Variants in AP4E1 observed in about 807,000 individuals in gnomAD.
AP4E1 encodes AP-4 complex subunit epsilon-1.
AP4E1 carries 56 observed loss-of-function variants against 128.2 expected under a neutral mutation model. That is an observed-to-expected ratio of 0.44 (90% CI 0.35 to 0.55). The LOEUF is 0.55. Among genes scored for constraint, AP4E1 ranks in the 20% least tolerant of loss-of-function variants. AP4E1 has a pLI of 0.00. For missense variants in AP4E1, 1,324 were observed against 1,307.7 expected (o/e 1.01, Z -0.19); for synonymous variants, 484 against 473.1 (o/e 1.02, Z -0.30).
Position 51,002,635 on chromosome 15 carries a change from G to A in AP4E1, c.3387G>A (p.Gln1129=), listed in dbSNP as rs3825798. Residue 1129 remains glutamine (Q), a synonymous_variant, in exon 21 of 21, where the codon CAG becomes CAA. Coordinates refer to ENST00000261842, the MANE Select transcript of AP4E1 (RefSeq NM_007347.5). The part of the protein sequence containing the change: ...CSTLPDYLLY[Q]CQKVMEGS ...CTCTTCCTGACTATTTACTGTATCAGTGTCAAAAGGTGATGGAGGGATCCT... is the reference window on the plus strand; with the variant it reads ...CTCTTCCTGACTATTTACTGTATCAATGTCAAAAGGTGATGGAGGGATCCT... 372,196 of 1,613,746 alleles carry A rather than the reference G, an allele frequency of 0.23. 45,468 individuals carry two copies. Among genetic ancestry groups the A allele is most frequent in the East Asian group, 0.4 (18,077 of 44,856 alleles).
chr15:50,920,335 G>A (rs1487172795), intron 3 of AP4E1, among the ~76,000 whole-genome samples: 1 of 150,812 alleles, frequency 6.6e-6, no homozygotes, highest in African/African-American at 2.4e-5. Context: ...GGATGGTCTC[G>A]ATCTCCTGAC....
intron 9 of AP4E1, 23 bp downstream of exon 9, chr15:50,941,587 C>T: frequency 6.2e-7 from 1 of 1,612,484 alleles, no homozygotes; most frequent in Non-Finnish European, 8.5e-7. Flanking sequence ...GTTCTTTTGA[C>T]AGAAATTACA....
intron 13 of AP4E1, among the ~76,000 whole-genome samples, chr15:50,957,799 C>G (rs373596675): frequency 6.6e-6 from 1 of 151,062 alleles, no homozygotes; most frequent in South Asian, 2.1e-4. Context: ...TTCTCAGCCT[C>G]CTGAGTAGCT....
chr15:50,909,607 GTCTC>G (rs1245673744), intron 1 of AP4E1, among the ~76,000 whole-genome samples: 3 of 152,370 alleles, frequency 2.0e-5, no homozygotes, highest in Admixed American at 6.5e-5. Flanking sequence ...TATTGACGGA[GTCTC>G]TCTCTGTCGC....
rs117687584 is a variant in AP4E1, at chr15:50,911,264, G to A, written c.151-814G>A. Among the ~76,000 whole-genome samples, 390 of 152,276 alleles carry A rather than the reference G, an allele frequency of 2.6e-3. 8 individuals are homozygous for A. The East Asian group carries it at 0.048, about 19-fold the overall frequency. On this transcript the variant is annotated intron_variant, in intron 1 of 20. Transcript: ENST00000261842. ...ACAGTAGGAGTGACCACATTGGTATGTGTCTGAGATAGGAAGTTATGGAAA... is the reference window on the plus strand; with the variant it reads ...ACAGTAGGAGTGACCACATTGGTATATGTCTGAGATAGGAAGTTATGGAAA...
intron 15 of AP4E1, among the ~76,000 whole-genome samples, chr15:50,971,397 C>G (rs974631843): frequency 2.0e-5 from 3 of 152,110 alleles, no homozygotes; most frequent in African/African-American, 7.2e-5. Flanking sequence ...TGACTTTTGA[C>G]AGTTTGACTA....
intron 15 of AP4E1, among the ~76,000 whole-genome samples, chr15:50,976,346 A>T (rs1010983671): frequency 1.3e-5 from 2 of 152,210 alleles, no homozygotes; most frequent in African/African-American, 4.8e-5. Context: ...GATTAAAAAG[A>T]AACTCAATAA....
At chr15:50,977,531 A>C (rs2064568415) in intron 15 of AP4E1, among the ~76,000 whole-genome samples, 1 of 152,110 alleles carries the variant, frequency 6.6e-6, no homozygotes, top group African/African-American at 2.4e-5. Flanking sequence ...TAGAAAAGGA[A>C]ATTGGTTATG....
intron 20 of AP4E1, among the ~76,000 whole-genome samples, chr15:51,001,919 C>T (rs746515804): frequency 2.0e-5 from 3 of 151,928 alleles, no homozygotes; most frequent in Non-Finnish European, 4.4e-5. Context: ...CACTTTGTTA[C>T]CCATGCTGGA....
chr15:50,975,915 A>G (rs1415878944), intron 15 of AP4E1, among the ~76,000 whole-genome samples: 2 of 152,078 alleles, frequency 1.3e-5, no homozygotes, highest in African/African-American at 4.8e-5. Flanking sequence ...GTTTGATACC[A>G]GCCTAGACAA....
At chr15:50,993,710 G>A (rs940800438) in intron 17 of AP4E1, 85 bp downstream of exon 17, 52 of 1,541,486 alleles carry the variant, frequency 3.4e-5, no homozygotes, top group East Asian at 6.8e-5. Flanking sequence ...CCTGGCTGTC[G>A]TCTATATGTA....
At chr15:50,948,270 C>T in intron 11 of AP4E1, 111 bp downstream of exon 11, 1 of 1,256,098 alleles carries the variant, frequency 8.0e-7, no homozygotes, top group Non-Finnish European at 1.1e-6. Context: ...CCTAGCAATA[C>T]TTTTTATTCC....
In AP4E1 at chr15:50,929,067, A is replaced by G. The variant is rs564191868; in HGVS notation, c.601A>G (p.Asn201Asp). 5.0e-6 allele frequency: 8 copies of G among 1,613,852 alleles called. No homozygotes were observed. The South Asian group carries it at 8.8e-5, about 18-fold the overall frequency. The stretch of plus-strand genomic sequence containing the variant: ...ATACAAATTCCATCTCATTGCTCCT[A>G]ATCAAGTACAACATATTCATATTAA... The part of the protein sequence containing the change: ...ALYKFHLIAP[N>D]QVQHIHIKFR... Residue 201 changes from asparagine to aspartate, a missense_variant, in exon 6 of 21, where the codon AAT becomes GAT. Physicochemically the swap from Asn to Asp is conservative, Grantham distance 23. Coordinates refer to ENST00000261842, the MANE Select transcript of AP4E1 (RefSeq NM_007347.5).
At chr15:50,963,973 C>T (rs754314716) in intron 14 of AP4E1, among the ~76,000 whole-genome samples, 16 of 152,174 alleles carry the variant, frequency 1.1e-4, no homozygotes, top group South Asian at 2.1e-4. Context: ...GGATTACAGG[C>T]GTGAGCCACC....
At chr15:50,982,609 G>A (rs1290982041) in intron 15 of AP4E1, among the ~76,000 whole-genome samples, 1 of 152,204 alleles carries the variant, frequency 6.6e-6, no homozygotes, top group Non-Finnish European at 1.5e-5. Flanking sequence ...TCACTTTACA[G>A]ATGAAGAAAT....
chr15:50,916,079 C>G, intron 3 of AP4E1: 1 of 158,066 alleles, frequency 6.3e-6, no homozygotes, highest in Non-Finnish European at 1.4e-5. Context: ...CTGTGTGCCA[C>G]CATGCCTGGC....
chr15:50,935,923 A>G (rs1004259513), intron 8 of AP4E1, among the ~76,000 whole-genome samples: 3 of 152,176 alleles, frequency 2.0e-5, no homozygotes, highest in African/African-American at 7.2e-5. Context: ...TGCATGTATG[A>G]ATGGTAATTA....
intron 11 of AP4E1, 85 bp from the exon 12 acceptor site, chr15:50,949,741 G>T (rs1034173102): frequency 1.0e-4 from 103 of 1,032,444 alleles, no homozygotes; most frequent in Non-Finnish European, 9.1e-6. Flanking sequence ...GGATGAATTG[G>T]GGTTATTTTT....
At chr15:50,996,524 A>T (rs1158003653) in intron 17 of AP4E1, among the ~76,000 whole-genome samples, 1 of 152,114 alleles carries the variant, frequency 6.6e-6, no homozygotes, top group Non-Finnish European at 1.5e-5. Flanking sequence ...GACAGAGAAG[A>T]TAAGAAAAGG....
Sources: allele counts gnomAD v4.1 joint callset (sites outside exome capture counted in the v4.1 genomes callset), GRCh38; gene constraint gnomAD v4.1.1; transcripts MANE v1.5; gene names NCBI Gene and HGNC (gene_info 2026-07-23, HGNC 2026-07-21).